SLC9A1: variants seen among roughly 807,000 people sequenced by gnomAD.
SLC9A1 encodes the protein solute carrier family 9 member A1.
In SLC9A1, 22 loss-of-function variants were observed where a neutral mutation model predicts 67.9. The observed-to-expected ratio is 0.32, with a 90% confidence interval of 0.23 to 0.46. The LOEUF (loss-of-function observed/expected upper bound fraction) is 0.46. Among genes scored for constraint, SLC9A1 ranks in the 20% least tolerant of loss-of-function variants. The pLI, the probability that SLC9A1 is intolerant of heterozygous loss-of-function variation, is 1.00. For synonymous variants in SLC9A1, 421 were observed against 471.8 expected, an observed-to-expected ratio of 0.89 and a Z score of 1.40; for missense variants, 686 against 1,094.8, an observed-to-expected ratio of 0.63 and a Z score of 5.27.
intron 1 of SLC9A1, among the ~76,000 whole-genome samples, chr1:27,144,654 T>G (rs909171615): frequency 6.6e-6 from 1 of 152,222 alleles, no homozygotes; most frequent in Non-Finnish European, 1.5e-5. Flanking sequence ...AATCACATAT[T>G]CATTCATGTA....
intron 1 of SLC9A1, among the ~76,000 whole-genome samples, chr1:27,120,905 G>A (rs1159858863): frequency 6.6e-6 from 1 of 152,076 alleles, no homozygotes; most frequent in Non-Finnish European, 1.5e-5. Flanking sequence ...GAGGTAACTT[G>A]TCCAAGGCTA....
At chr1:27,149,068 C>G (rs2083508665) in intron 1 of SLC9A1, among the ~76,000 whole-genome samples, 1 of 152,228 alleles carries the variant, frequency 6.6e-6, no homozygotes, top group Admixed American at 6.5e-5. Context: ...CTCACAAAAA[C>G]AAAGGACAGG....
intron 1 of SLC9A1, among the ~76,000 whole-genome samples, chr1:27,131,439 C>CAAAAAAAAAAAA (rs35954506): frequency 3.6e-5 from 1 of 27,490 alleles, no homozygotes; most frequent in African/African-American, 1.7e-4. Flanking sequence ...ACTAAAAATA[C>CAAAAAAAAAAAA]AAAAAAAAAA....
intron 1 of SLC9A1, among the ~76,000 whole-genome samples, chr1:27,120,164 TCTCA>T (rs2083295711): frequency 1.3e-5 from 2 of 151,306 alleles, no homozygotes; most frequent in Non-Finnish European, 2.9e-5. Context: ...GGGGGCGGAG[TCTCA>T]CTCTTGTTGT....
At position 27,154,136 on chromosome 1, in the gene SLC9A1, C is replaced by A; in HGVS notation, c.199G>T (p.Val67Phe). 6.2e-7 allele frequency: 1 copy of A among 1,614,136 alleles called. No individual in the cohort carries two copies. Among genetic ancestry groups the A allele is most frequent in the African/African-American group, 1.3e-5 (1 of 75,030 alleles). ...IGDVTTAPPE[V>F]TPESRPVNHS... The stretch of plus-strand genomic sequence containing the variant: ...TTAACAGGGCGGCTCTCTGGGGTGA[C>A]CTCCGGTGGAGCGGTGGTGACATCC... Residue 67 changes from valine (V) to phenylalanine (F), a missense_variant, in exon 1 of 12, where the codon GTC (valine) becomes TTC (phenylalanine). Coordinates refer to ENST00000263980, the MANE Select transcript of SLC9A1 (RefSeq NM_003047.5).
Position 27,109,867 on chromosome 1 carries a change from C to A in SLC9A1, c.814-90G>T. 6.9e-7 allele frequency: 1 copy of A among 1,455,362 alleles called. No individual in the cohort carries two copies. The highest frequency in any genetic ancestry group is 9.4e-7 in the Non-Finnish European group (1 of 1,059,662). The allele number at this position is 1,455,362 out of a possible 1,614,324, so 90.2% of individuals were successfully genotyped here. A position where few individuals can be genotyped will look rare whatever the true frequency, so the allele number is the denominator to read the frequency against. ...CCACCCAGGGCAATCCTGTCCCCTCCGTTAACCATGGCCACAAGAAGAGGC... is the reference window on the plus strand; with the variant it reads ...CCACCCAGGGCAATCCTGTCCCCTCAGTTAACCATGGCCACAAGAAGAGGC... On this transcript the variant is annotated intron_variant, in intron 2 of 11. Coordinates refer to ENST00000263980, the MANE Select transcript of SLC9A1 (RefSeq NM_003047.5). This position sits in a 1 kb window ranked among gnomAD's most constrained non-coding sequence, Gnocchi z 5.5.
At chr1:27,153,082 T>C (rs1570892657) in intron 1 of SLC9A1, among the ~76,000 whole-genome samples, 1 of 152,118 alleles carries the variant, frequency 6.6e-6, no homozygotes, top group Admixed American at 6.6e-5. Context: ...AGACCAATAC[T>C]CTGAGAGCAA....
chr1:27,135,117 A>G (rs1557430053), intron 1 of SLC9A1, among the ~76,000 whole-genome samples: 1 of 148,086 alleles, frequency 6.8e-6, no homozygotes, highest in East Asian at 2.0e-4. Flanking sequence ...TGGCACAATC[A>G]TGGCTCACTG....
chr1:27,108,159 C>T (rs1368265613), intron 3 of SLC9A1, among the ~76,000 whole-genome samples: 3 of 151,350 alleles, frequency 2.0e-5, no homozygotes, highest in Non-Finnish European at 2.9e-5. Flanking sequence ...CTCCGCCTCC[C>T]GGGTTCAAGC....
rs1384461873 is a variant in SLC9A1 at position 27,114,040 on chromosome 1, T to C, written c.599A>G (p.Asn200Ser). 1 of 1,614,058 alleles carries C rather than the reference T, an allele frequency of 6.2e-7. No homozygotes were observed. The highest frequency in any genetic ancestry group is 1.7e-5 in the Admixed American group (1 of 60,012). ...CATGAGGCCGCCCAGGAAGAAGGCG[T>C]TCCACAGCGTGCCCACCACGGCAAA... The part of the protein sequence containing the change: ...LIFAVVGTLW[N>S]AFFLGGLMYA... Residue 200 changes from asparagine (N) to serine (S), a missense_variant, in exon 2 of 12, where the codon AAC becomes AGC. By Grantham distance (46) the Asn-to-Ser change is conservative. Transcript: ENST00000263980. The surrounding 1 kb of genome is among the most constrained non-coding windows in gnomAD (Gnocchi z 5.4).
intron 1 of SLC9A1, among the ~76,000 whole-genome samples, chr1:27,151,606 AC>A (rs1339027850): frequency 3.9e-5 from 6 of 151,902 alleles, no homozygotes; most frequent in Non-Finnish European, 7.4e-5. Flanking sequence ...CAGGCGATCC[AC>A]CCTGCCTCAG....
intron 5 of SLC9A1, among the ~76,000 whole-genome samples, chr1:27,104,860 G>A (rs1448197807): frequency 6.6e-6 from 1 of 152,158 alleles, no homozygotes; most frequent in Non-Finnish European, 1.5e-5. Flanking sequence ...TTTCTTATTT[G>A]CCCAAGGTCA....
intron 1 of SLC9A1, among the ~76,000 whole-genome samples, chr1:27,115,150 A>G (rs900408353): frequency 4.6e-5 from 7 of 152,114 alleles, no homozygotes; most frequent in Admixed American, 3.3e-4. Context: ...GTTCCCATCA[A>G]ACTGCACAGT....
intron 2 of SLC9A1, among the ~76,000 whole-genome samples, chr1:27,110,892 G>A (rs537657948): frequency 3.3e-5 from 5 of 152,312 alleles, no homozygotes; most frequent in Admixed American, 3.3e-4. Flanking sequence ...AGGGAAGGAC[G>A]TGAGGATCCA....
At position 27,109,225 on chromosome 1, in the gene SLC9A1, T is replaced by C. The variant is rs760305561; in HGVS notation, c.1064+302A>G. Among the ~76,000 whole-genome samples the C allele has an allele frequency of 6.4e-4, 98 of 152,296 alleles. No individual in the cohort carries two copies. The highest frequency in any genetic ancestry group is 2.1e-4 in the Non-Finnish European group (14 of 68,016). On this transcript the variant is annotated intron_variant, in intron 3 of 11. Transcript: ENST00000263980. This position sits in a 1 kb window ranked among gnomAD's most constrained non-coding sequence, Gnocchi z 5.5. ...AGTGGCTTCCAAGGCTCTGCTCTCC[T>C]ATACCCTGGGCTTGCCTTCATGCAG...
At chr1:27,110,457 C>T (rs752635511) in intron 2 of SLC9A1, among the ~76,000 whole-genome samples, 18 of 152,166 alleles carry the variant, frequency 1.2e-4, no homozygotes, top group Non-Finnish European at 2.5e-4. Context: ...CAATGAACAG[C>T]CAAGTTCAGA....
At chr1:27,144,735 G>A (rs1343704966) in intron 1 of SLC9A1, among the ~76,000 whole-genome samples, 4 of 152,244 alleles carry the variant, frequency 2.6e-5, no homozygotes, top group Admixed American at 2.6e-4. Flanking sequence ...CAGGCCAGGC[G>A]TGGTGGCTCA....
In SLC9A1 at chr1:27,132,798, G is replaced by A. The variant is rs376797292; in HGVS notation, c.353-18512C>T. Among the ~76,000 whole-genome samples the A allele has an allele frequency of 1.2e-3, 188 of 152,286 alleles. 1 individual carries two copies. Among genetic ancestry groups the A allele is most frequent in the African/African-American group, 3.7e-3 (152 of 41,558 alleles). On this transcript the variant is annotated intron_variant, in intron 1 of 11. Transcript: ENST00000263980. ...CACCCTAGGCCAACAGGGCACTTTC[G>A]GACAGCCCCGCCTGGCTCCCTGATT...
chr1:27,138,427 T>C (rs1404499579), intron 1 of SLC9A1, among the ~76,000 whole-genome samples: 4 of 151,248 alleles, frequency 2.6e-5, no homozygotes, highest in African/African-American at 7.4e-5. Flanking sequence ...CCACATCCAA[T>C]GCTCCATGCT....
Sources: gnomAD v4.1 joint callset for allele counts (sites outside exome capture counted in the v4.1 genomes callset) on GRCh38, gnomAD v4.1.1 for gene constraint, Gnocchi (gnomAD v3.1) non-coding constraint, MANE v1.5 for transcripts, NCBI Gene and HGNC (gene_info 2026-07-23, HGNC 2026-07-21) for gene names.